DIAPH3: variants seen among roughly 807,000 people sequenced by gnomAD.
DIAPH3 encodes protein diaphanous homolog 3.
A neutral mutation model predicts 144.3 loss-of-function variants in DIAPH3; 117 were observed. The ratio of observed to expected loss-of-function variants is 0.81; its 90% CI spans 0.70 to 0.95. DIAPH3 has a LOEUF of 0.95. Among genes scored for constraint, DIAPH3 ranks in the 40% least tolerant of loss-of-function variants. The pLI, the probability that DIAPH3 is intolerant of heterozygous loss-of-function variation, is 0.00. For missense variants in DIAPH3, 1,421 were observed against 1,412.7 expected (o/e 1.01, Z -0.09); for synonymous variants, 519 against 488.9 (o/e 1.06, Z -0.81).
intron 27 of DIAPH3, among the ~76,000 whole-genome samples, chr13:59,744,454 G>A (rs1182076952): frequency 6.6e-6 from 1 of 152,176 alleles, no homozygotes; most frequent in Non-Finnish European, 1.5e-5. Flanking sequence ...TGTGGCCCAG[G>A]ATGGCTTTGA....
intron 1 of DIAPH3, among the ~76,000 whole-genome samples, chr13:60,138,797 A>G (rs1005867634): frequency 7.9e-6 from 1 of 127,380 alleles, no homozygotes; most frequent in Non-Finnish European, 1.7e-5. Context: ...GGAAGAGGGA[A>G]GAGGGAAGAG....
chr13:59,935,872 T>C (rs868324427), intron 17 of DIAPH3, among the ~76,000 whole-genome samples: 5 of 152,196 alleles, frequency 3.3e-5, no homozygotes, highest in Non-Finnish European at 7.4e-5. Context: ...AATTATATAA[T>C]ATATAGGAAG....
intron 7 of DIAPH3, among the ~76,000 whole-genome samples, chr13:60,012,176 T>C (rs1486996972): frequency 6.6e-6 from 1 of 152,224 alleles, no homozygotes; most frequent in Non-Finnish European, 1.5e-5. Context: ...ATCCTATTTA[T>C]AACTTTCCTA....
At chr13:59,846,420 C>T (rs2042635762) in intron 22 of DIAPH3, among the ~76,000 whole-genome samples, 1 of 152,082 alleles carries the variant, frequency 6.6e-6, no homozygotes, top group African/African-American at 2.4e-5. Flanking sequence ...CAAACTAAAT[C>T]AAACCTTCCT....
intron 27 of DIAPH3, among the ~76,000 whole-genome samples, chr13:59,770,092 T>C (rs2038046273): frequency 6.6e-6 from 1 of 152,048 alleles, no homozygotes; most frequent in African/African-American, 2.4e-5. Context: ...CTCCCCTACA[T>C]CTGATCCGAC....
At chr13:59,700,706 A>T (rs1190896247) in intron 27 of DIAPH3, among the ~76,000 whole-genome samples, 3 of 152,206 alleles carry the variant, frequency 2.0e-5, no homozygotes, top group Non-Finnish European at 4.4e-5. Context: ...ACTGGACTTC[A>T]TATGGGAAAG....
intron 27 of DIAPH3, among the ~76,000 whole-genome samples, chr13:59,687,642 C>CA (rs1459960743): frequency 6.6e-6 from 1 of 151,954 alleles, no homozygotes; most frequent in Non-Finnish European, 1.5e-5. Flanking sequence ...TGAAAAAACT[C>CA]AGAGAATGTT....
At chr13:60,023,086 TGCTA>T (rs1454892747) in intron 5 of DIAPH3, among the ~76,000 whole-genome samples, 1 of 152,234 alleles carries the variant, frequency 6.6e-6, no homozygotes, top group Admixed American at 6.5e-5. Flanking sequence ...CTGTCTGCTC[TGCTA>T]TTTTCTGGAA....
intron 25 of DIAPH3, among the ~76,000 whole-genome samples, chr13:59,788,475 A>T (rs370455226): frequency 3.9e-5 from 6 of 152,196 alleles, no homozygotes; most frequent in African/African-American, 1.4e-4. Context: ...TTTTTTAAAA[A>T]GAAAAAAGAT....
intron 4 of DIAPH3, among the ~76,000 whole-genome samples, chr13:60,071,530 C>G (rs2057206632): frequency 6.6e-6 from 1 of 152,110 alleles, no homozygotes; most frequent in South Asian, 2.1e-4. Flanking sequence ...TTTATATTTT[C>G]CAATCTCAAA....
intron 17 of DIAPH3, among the ~76,000 whole-genome samples, chr13:59,961,893 G>T (rs1821380664): frequency 6.6e-6 from 1 of 151,988 alleles, no homozygotes; most frequent in Non-Finnish European, 1.5e-5. Flanking sequence ...ATAATATGTT[G>T]TTTTATTATT....
chr13:60,026,469 GTTC>G, intron 5 of DIAPH3, among the ~76,000 whole-genome samples: 1 of 152,144 alleles, frequency 6.6e-6, no homozygotes, highest in East Asian at 1.9e-4. Flanking sequence ...TTATGATCCT[GTTC>G]TTCTTTAAAG....
At chr13:59,910,383 G>A (rs542089936) in intron 20 of DIAPH3, among the ~76,000 whole-genome samples, 3 of 152,164 alleles carry the variant, frequency 2.0e-5, no homozygotes, top group East Asian at 1.9e-4. Context: ...CTGAAGAATT[G>A]GAGTAAAAAG....
chr13:59,723,640 TCA>T (rs781752193), intron 27 of DIAPH3, among the ~76,000 whole-genome samples: 12 of 151,688 alleles, frequency 7.9e-5, no homozygotes, highest in Non-Finnish European at 1.5e-4. Flanking sequence ...AGATGAAGTC[TCA>T]CACTGTCACC....
At chr13:59,727,419 G>A (rs1194913826) in intron 27 of DIAPH3, among the ~76,000 whole-genome samples, 1 of 152,136 alleles carries the variant, frequency 6.6e-6, no homozygotes, top group Non-Finnish European at 1.5e-5. Flanking sequence ...ATTTCCATAG[G>A]AGTCATTATC....
At chr13:59,952,990 C>T (rs1431055423) in intron 17 of DIAPH3, among the ~76,000 whole-genome samples, 1 of 151,906 alleles carries the variant, frequency 6.6e-6, no homozygotes, top group Non-Finnish European at 1.5e-5. Flanking sequence ...GACAACATAC[C>T]GAATATATAA....
At chr13:59,749,007 A>T (rs1351149357) in intron 27 of DIAPH3, among the ~76,000 whole-genome samples, 3 of 151,944 alleles carry the variant, frequency 2.0e-5, no homozygotes, top group African/African-American at 7.3e-5. Context: ...TGAGGTCAGG[A>T]GTTCGAGACC....
chr13:60,042,343 T>C (rs566648732), intron 5 of DIAPH3, among the ~76,000 whole-genome samples: 11 of 152,290 alleles, frequency 7.2e-5, no homozygotes, highest in African/African-American at 2.4e-4. Context: ...TCTTACTGTG[T>C]CAAATAAGAT....
chr13:59,714,286 G>C (rs545753902), intron 27 of DIAPH3, among the ~76,000 whole-genome samples: 1 of 148,556 alleles, frequency 6.7e-6, no homozygotes, highest in Non-Finnish European at 1.5e-5. Flanking sequence ...CGTGAACCCG[G>C]GAGGCGGAGC....
Sources: allele counts gnomAD v4.1 joint callset (sites outside exome capture counted in the v4.1 genomes callset), GRCh38; gene constraint gnomAD v4.1.1; transcripts MANE v1.5; gene names NCBI Gene and HGNC (gene_info 2026-07-23, HGNC 2026-07-21).